The following DNM1 variants were observed in gnomAD, a reference collection of about 807,000 sequenced individuals.
DNM1 encodes the protein dynamin-1.
Under a neutral mutation model 104.6 loss-of-function variants are expected in DNM1, and 29 were observed. The observed-to-expected ratio is 0.28, with a 90% CI of 0.21 to 0.38. The LOEUF is 0.38. DNM1 is among the 10% of genes least tolerant of loss of function. DNM1 has a pLI of 1.00. For missense variants in DNM1, 640 were observed against 1,189.4 expected (o/e 0.54, Z 6.79); for synonymous variants, 445 against 475.8 (o/e 0.94, Z 0.84).
At chr9:128,252,597 A>C in intron 21 of DNM1, 1 of 392,196 alleles carries the variant, frequency 2.5e-6, no homozygotes, top group African/African-American at 2.1e-5. Flanking sequence ...GTGGGGCGCA[A>C]GGTGGAGAAC....
At chr9:128,221,538 G>A (rs563515819) in intron 6 of DNM1, among the ~76,000 whole-genome samples, 1 of 152,260 alleles carries the variant, frequency 6.6e-6, no homozygotes, top group Admixed American at 6.5e-5. Flanking sequence ...CTTAAAGGAG[G>A]CTTTAAACCC....
Position 128,254,559 on chromosome 9 carries a change from G to A in DNM1, c.2535-95G>A. The A allele has an allele frequency of 6.3e-7, 1 of 1,583,022 alleles. No individual in the cohort carries two copies. The highest frequency in any genetic ancestry group is 8.5e-7 in the Non-Finnish European group (1 of 1,172,862). ...CCCCGGCCCTCCCACCACTGCTGCGGCGCGGCCGGCCCCGGCCGTGTGCTG... is the reference window on the plus strand; with the variant it reads ...CCCCGGCCCTCCCACCACTGCTGCGACGCGGCCGGCCCCGGCCGTGTGCTG... On this transcript the variant is annotated intron_variant, in intron 21 of 21. Transcript: ENST00000372923. This position sits in a 1 kb window ranked among gnomAD's most constrained non-coding sequence, Gnocchi z 6.1.
At position 128,222,179 on chromosome 9, in the gene DNM1, C is replaced by T. The variant is rs763158060; in HGVS notation, c.850-18C>T. The T allele has an allele frequency of 6.3e-5, 101 of 1,605,072 alleles. No individual in the cohort carries two copies. The highest frequency in any genetic ancestry group is 8.1e-5 in the Non-Finnish European group (95 of 1,175,408). Reference sequence around the variant, plus strand: ...TGTGACCATCTGTCCTCAACCCTTTCCTCACCCTTACCCCCAGCAACTGAC... The same window carrying T: ...TGTGACCATCTGTCCTCAACCCTTTTCTCACCCTTACCCCCAGCAACTGAC... On this transcript the variant is annotated intron_variant, in intron 6 of 21. Coordinates refer to ENST00000372923, the MANE Select transcript of DNM1 (RefSeq NM_004408.4). The surrounding 1 kb of genome is among the most constrained non-coding windows in gnomAD (Gnocchi z 7.8).
chr9:128,231,204 TTTTTTTTTTTTTTTG>T (rs970620077), intron 10 of DNM1, among the ~76,000 whole-genome samples: 4 of 143,098 alleles, frequency 2.8e-5, no homozygotes, highest in Non-Finnish European at 6.1e-5. Context: ...CTTTTTTTTT[TTTTTTTTTTTTTTTG>T]GAGACAGAAT....
intron 19 of DNM1, 131 bp from the exon 20 acceptor site, chr9:128,249,984 T>C: frequency 1.5e-6 from 2 of 1,353,274 alleles, no homozygotes; most frequent in Non-Finnish European, 2.1e-6. Context: ...AGGTGAATCT[T>C]CCAGTCTACG....
rs1564339017 is a variant in DNM1, at chr9:128,230,414, T to TTTATTTAG, written c.1336-3600_1336-3599insGTTATTTA. 9.3e-5 allele frequency among the ~76,000 whole-genome samples: 9 copies of TTTATTTAG among 96,532 alleles called. No homozygotes were observed. The South Asian group carries it at 1.2e-3, about 13-fold the overall frequency. 63.3% of individuals were successfully genotyped at this position (96,532 alleles called of 152,430 possible). ...ATCTTTTTATTTTCTCTTCACAAAT[T>TTTATTTAG]TTATTTATTTATTTATTTCTTTATT... On this transcript the variant is annotated intron_variant, in intron 10 of 21. Coordinates refer to ENST00000372923, the MANE Select transcript of DNM1 (RefSeq NM_004408.4).
chr9:128,252,491 G>A (rs1196586563), intron 21 of DNM1: 2 of 399,300 alleles, frequency 5.0e-6, no homozygotes, highest in South Asian at 1.9e-5. Flanking sequence ...GCCAAGAGCT[G>A]CAGTGTGGGC....
chr9:128,237,072 C>G (rs16930318), intron 11 of DNM1, among the ~76,000 whole-genome samples: 3,309 of 152,210 alleles, frequency 0.022, 84 homozygotes, highest in East Asian at 0.069. Flanking sequence ...GAGGCAGAAA[C>G]GCTACATTTG....
At chr9:128,233,383 C>A (rs1248360942) in intron 10 of DNM1, among the ~76,000 whole-genome samples, 1 of 152,152 alleles carries the variant, frequency 6.6e-6, no homozygotes, top group Admixed American at 6.5e-5. Flanking sequence ...CTGGCCCCCG[C>A]CTTGCATGTC....
intron 21 of DNM1, chr9:128,252,098 C>A: frequency 4.9e-6 from 1 of 204,052 alleles, no homozygotes; most frequent in Non-Finnish European, 9.9e-6. Flanking sequence ...CCTCCCAGAG[C>A]CTCAGCATCC....
intron 1 of DNM1, among the ~76,000 whole-genome samples, chr9:128,208,562 G>A (rs571259416): frequency 2.0e-5 from 3 of 152,150 alleles, no homozygotes; most frequent in Non-Finnish European, 4.4e-5. Context: ...TCTATTAGGG[G>A]ATAAATGAGA....
At chr9:128,219,309 C>A (rs1003790074) in intron 4 of DNM1, 57 bp downstream of exon 4, 3 of 1,485,882 alleles carry the variant, frequency 2.0e-6, no homozygotes, top group Non-Finnish European at 2.8e-6. Flanking sequence ...GCTGTCTATT[C>A]TTAGTGTAAA....
chr9:128,227,059 G>T (rs1462340405), intron 10 of DNM1, among the ~76,000 whole-genome samples: 5 of 133,628 alleles, frequency 3.7e-5, no homozygotes, highest in Non-Finnish European at 7.6e-5. Flanking sequence ...CTGTCGCCCA[G>T]GCTGGAGTGC....
At position 128,203,931 on chromosome 9, in the gene DNM1, GC is replaced by G. The variant is rs1247290323; in HGVS notation, c.161+306del. ...TGCCAGAAGCCCCGGGCAAAGAGCT[GC>G]CCCCCGCCCCCAACATGGGCATGGA... On this transcript the variant is annotated intron_variant, in intron 1 of 21. Coordinates refer to ENST00000372923, the MANE Select transcript of DNM1 (RefSeq NM_004408.4). The surrounding 1 kb of genome is among the most constrained non-coding windows in gnomAD (Gnocchi z 5.3). 3.6e-5 allele frequency: 7 copies of G among 193,718 alleles called. No individual in the cohort carries two copies. The highest frequency in any genetic ancestry group is 2.6e-4 in the East Asian group (2 of 7,836). 12.0% of individuals were successfully genotyped at this position (193,718 alleles called of 1,614,324 possible).
At chr9:128,249,656 C>CAAA (rs36042863) in intron 19 of DNM1, among the ~76,000 whole-genome samples, 2 of 129,604 alleles carry the variant, frequency 1.5e-5, no homozygotes, top group African/African-American at 2.8e-5. Flanking sequence ...AACTCCGTCT[C>CAAA]AAAAAAAAAA....
chr9:128,250,650 G>A, intron 20 of DNM1, 75 bp from the exon 21 acceptor site: 3 of 1,274,936 alleles, frequency 2.4e-6, no homozygotes, highest in Non-Finnish European at 2.1e-6. Flanking sequence ...CCAGCACTGG[G>A]CTGGGGCGGG....
At position 128,222,405 on chromosome 9, in the gene DNM1, G is replaced by C; in HGVS notation, c.993-56G>C. 6.2e-7 allele frequency: 1 copy of C among 1,610,184 alleles called. No individual in the cohort carries two copies. Among genetic ancestry groups the C allele is most frequent in the South Asian group, 1.1e-5 (1 of 90,922 alleles). On this transcript the variant is annotated intron_variant, in intron 7 of 21. Coordinates refer to ENST00000372923, the MANE Select transcript of DNM1 (RefSeq NM_004408.4). The surrounding 1 kb of genome is among the most constrained non-coding windows in gnomAD (Gnocchi z 7.8). The stretch of plus-strand genomic sequence containing the variant: ...AGCCTCTCAGCGTGGGGCTCTCCCA[G>C]GGTTCCCTTTGCTGGGCTGCTCCTG...
rs900625012 is a variant in DNM1, at chr9:128,218,781, C to T, written c.385+50C>T. On this transcript the variant is annotated intron_variant, in intron 3 of 21. Transcript: ENST00000372923. This position sits in a 1 kb window ranked among gnomAD's most constrained non-coding sequence, Gnocchi z 4.8. ...CCTCTAAGAATCATTTTCTTGGCCA[C>T]GCACCTCTGCGTGCCTCGCTCCTCC... 1 of 1,541,028 alleles carries T rather than the reference C, an allele frequency of 6.5e-7. No individual in the cohort carries two copies. The highest frequency in any genetic ancestry group is 8.8e-7 in the Non-Finnish European group (1 of 1,140,414).
Position 128,219,035 on chromosome 9 carries a change from G to A in DNM1, c.386-14G>A, listed in dbSNP as rs141695422. The A allele has an allele frequency of 1.8e-3, 2,978 of 1,612,762 alleles. 41 individuals are homozygous for A. The East Asian group carries it at 0.044, about 24-fold the overall frequency. ...CCCCTCGCCTTGAGCCCGCCCTCTC[G>A]CCGCCCTGTCCAGTGCTGAACCTGA... On this transcript the variant is annotated splice_polypyrimidine_tract_variant and intron_variant, in intron 3 of 21. Coordinates refer to ENST00000372923, the MANE Select transcript of DNM1 (RefSeq NM_004408.4).
Sources: allele counts gnomAD v4.1 joint callset (sites outside exome capture counted in the v4.1 genomes callset), GRCh38; gene constraint gnomAD v4.1.1; non-coding constraint Gnocchi (gnomAD v3.1); transcripts MANE v1.5; gene names NCBI Gene and HGNC (gene_info 2026-07-23, HGNC 2026-07-21).